The following CACNB4 variants were observed in gnomAD, a reference collection of about 807,000 sequenced individuals.
CACNB4 encodes the protein voltage-dependent L-type calcium channel subunit beta-4.
Under a neutral mutation model 71.2 loss-of-function variants are expected in CACNB4, and 32 were observed. That is an observed-to-expected ratio of 0.45 (90% CI 0.34 to 0.60). CACNB4 has a LOEUF of 0.60. Among genes scored for constraint, CACNB4 ranks in the 20% least tolerant of loss-of-function variants. The pLI, the probability that CACNB4 is intolerant of heterozygous loss-of-function variation, is 0.01. For missense variants in CACNB4, 464 were observed against 647.9 expected (o/e 0.72, Z 3.08); for synonymous variants, 231 against 236.9 (o/e 0.97, Z 0.23).
chr2:151,908,829 A>G (rs1309984898), intron 2 of CACNB4, among the ~76,000 whole-genome samples: 1 of 152,168 alleles, frequency 6.6e-6, no homozygotes, highest in Non-Finnish European at 1.5e-5. Context: ...AGGTTTCTGA[A>G]GCAGGTTATC....
chr2:151,942,615 G>A (rs537039966), intron 2 of CACNB4, among the ~76,000 whole-genome samples: 33 of 138,554 alleles, frequency 2.4e-4, no homozygotes, highest in South Asian at 2.1e-4. Context: ...ATAAATGGAC[G>A]TGCAATTATG....
intron 2 of CACNB4, among the ~76,000 whole-genome samples, chr2:151,992,058 A>T (rs1681736941): frequency 6.6e-6 from 1 of 152,246 alleles, no homozygotes; most frequent in African/African-American, 2.4e-5. Context: ...GAGCTAGAGT[A>T]CTTAATCCTC....
At chr2:151,882,181 C>CTTTTT (rs35206904) in intron 3 of CACNB4, among the ~76,000 whole-genome samples, 5 of 50,834 alleles carry the variant, frequency 9.8e-5, no homozygotes, top group Non-Finnish European at 1.9e-4. Context: ...ACCGGCCCCT[C>CTTTTT]TTTTTTTTTT....
upstream of CACNB4, chr2:152,099,090 G>C (rs367600830): frequency 2.0e-4 from 185 of 946,734 alleles, no homozygotes; most frequent in Middle Eastern, 1.3e-3. Flanking sequence ...GCGGACGGAG[G>C]GGGAGGGCGC....
intron 2 of CACNB4, among the ~76,000 whole-genome samples, chr2:152,034,966 A>G (rs1374969540): frequency 6.6e-6 from 1 of 152,190 alleles, no homozygotes; most frequent in Admixed American, 6.5e-5. Flanking sequence ...CCGCGGCAAA[A>G]GTATTGGCAG....
chr2:152,056,488 C>T (rs773591186), intron 2 of CACNB4, among the ~76,000 whole-genome samples: 1 of 152,140 alleles, frequency 6.6e-6, no homozygotes, highest in Non-Finnish European at 1.5e-5. Flanking sequence ...TCCAGGTTTA[C>T]TAAAACCACT....
intron 2 of CACNB4, among the ~76,000 whole-genome samples, chr2:151,929,942 AAATTT>A (rs1179916742): frequency 1.3e-5 from 2 of 152,136 alleles, no homozygotes; most frequent in East Asian, 3.8e-4. Flanking sequence ...TTCCCATATT[AAATTT>A]AATATAATCA....
chr2:151,854,735 A>C (rs1559870627), intron 11 of CACNB4: 1 of 152,348 alleles, frequency 6.6e-6, no homozygotes, highest in East Asian at 1.9e-4. Context: ...TTCTTTCAAG[A>C]ACTCAACCTA....
chr2:151,935,419 C>G (rs2099862690), intron 2 of CACNB4, among the ~76,000 whole-genome samples: 1 of 152,198 alleles, frequency 6.6e-6, no homozygotes, highest in Admixed American at 6.5e-5. Context: ...AAGCCCTTAG[C>G]ATGAGGCCGA....
chr2:151,978,225 T>C (rs1439518870), intron 2 of CACNB4, among the ~76,000 whole-genome samples: 2 of 152,204 alleles, frequency 1.3e-5, no homozygotes, highest in African/African-American at 4.8e-5. Flanking sequence ...GTCCAGAGTC[T>C]CTCCAGGCCC....
chr2:151,900,648 G>A (rs1358899790), intron 2 of CACNB4, among the ~76,000 whole-genome samples: 1 of 152,184 alleles, frequency 6.6e-6, no homozygotes, highest in Non-Finnish European at 1.5e-5. Context: ...GATGGCTGAT[G>A]CTGCACTAAA....
At chr2:152,084,524 C>T (rs1428602460) in intron 2 of CACNB4, among the ~76,000 whole-genome samples, 1 of 152,152 alleles carries the variant, frequency 6.6e-6, no homozygotes, top group African/African-American at 2.4e-5. Flanking sequence ...TGTTAAGGTC[C>T]TATGTCTCTA....
At chr2:152,063,419 CCAG>C (rs1395402776) in intron 2 of CACNB4, among the ~76,000 whole-genome samples, 1 of 152,056 alleles carries the variant, frequency 6.6e-6, no homozygotes, top group Non-Finnish European at 1.5e-5. Context: ...ATTAATGTGC[CCAG>C]GGTCCCACAG....
At chr2:151,922,311 T>A (rs1376442989) in intron 2 of CACNB4, among the ~76,000 whole-genome samples, 2 of 152,188 alleles carry the variant, frequency 1.3e-5, no homozygotes, top group Non-Finnish European at 2.9e-5. Context: ...CAAGGGATCT[T>A]CTCACCTCTG....
At chr2:151,842,527 G>A (rs1276960971) in intron 12 of CACNB4, among the ~76,000 whole-genome samples, 1 of 151,632 alleles carries the variant, frequency 6.6e-6, no homozygotes, top group East Asian at 1.9e-4. Flanking sequence ...GAAGAGATGG[G>A]GTTTCACCAT....
At chr2:152,012,096 A>AT (rs1311008562) in intron 2 of CACNB4, among the ~76,000 whole-genome samples, 30 of 19,154 alleles carry the variant, frequency 1.6e-3, no homozygotes, top group Non-Finnish European at 3.3e-3. Flanking sequence ...CCTTCTATTT[A>AT]TTAAAAAAAA....
intron 2 of CACNB4, among the ~76,000 whole-genome samples, chr2:151,975,615 T>C (rs184541962): frequency 6.6e-6 from 1 of 152,128 alleles, no homozygotes; most frequent in Non-Finnish European, 1.5e-5. Flanking sequence ...AGGATGCATG[T>C]TGGAGAAAGT....
At chr2:152,065,159 G>A (rs1037773756) in intron 2 of CACNB4, among the ~76,000 whole-genome samples, 3 of 152,182 alleles carry the variant, frequency 2.0e-5, no homozygotes, top group Non-Finnish European at 4.4e-5. Context: ...GAGGTGGGCA[G>A]ATCATTTGAG....
At chr2:151,882,037 C>T (rs1014619118) in intron 3 of CACNB4, among the ~76,000 whole-genome samples, 8 of 151,808 alleles carry the variant, frequency 5.3e-5, no homozygotes, top group South Asian at 2.1e-4. Context: ...CACACCACCA[C>T]GCCCAGCTAT....
Sources: allele counts gnomAD v4.1 joint callset (sites outside exome capture counted in the v4.1 genomes callset), GRCh38; gene constraint gnomAD v4.1.1; transcripts MANE v1.5; gene names NCBI Gene and HGNC (gene_info 2026-07-23, HGNC 2026-07-21).